Variants in SGCD observed in about 807,000 individuals in gnomAD.
The protein encoded by SGCD is sarcoglycan delta, also known as delta-sarcoglycan.
A neutral mutation model predicts 36.6 loss-of-function variants in SGCD; 18 were observed. The observed-to-expected ratio is 0.49, with a 90% CI of 0.34 to 0.73. The LOEUF (loss-of-function observed/expected upper bound fraction) is 0.73, where lower values mean the gene tolerates loss of function less well. Ranked by LOEUF, SGCD falls within the 30% of genes least tolerant of loss-of-function variation. SGCD has a pLI of 0.01. For synonymous variants in SGCD, 133 were observed against 130.6 expected (o/e 1.02, Z -0.12); for missense variants, 387 against 346.7 (o/e 1.12, Z -0.92).
chr5:156,389,129 C>T (rs1771430013), intron 3 of SGCD, among the ~76,000 whole-genome samples: 1 of 152,206 alleles, frequency 6.6e-6, no homozygotes, highest in African/African-American at 2.4e-5. Context: ...CCTCTCCAAG[C>T]CTTTCAATGA....
At chr5:156,407,655 G>A (rs1772497346) in intron 3 of SGCD, among the ~76,000 whole-genome samples, 1 of 152,154 alleles carries the variant, frequency 6.6e-6, no homozygotes, top group African/African-American at 2.4e-5. Context: ...GGTTTCATGA[G>A]GAGTGTCTTG....
At chr5:156,472,542 C>T (rs1201183133) in intron 3 of SGCD, among the ~76,000 whole-genome samples, 1 of 152,092 alleles carries the variant, frequency 6.6e-6, no homozygotes, top group Admixed American at 6.6e-5. Context: ...CTTGGACTCC[C>T]AAGTAGCTGA....
At chr5:156,730,225 T>A (rs577112249) in intron 7 of SGCD, among the ~76,000 whole-genome samples, 7 of 152,288 alleles carry the variant, frequency 4.6e-5, no homozygotes, top group Admixed American at 2.0e-4. Context: ...TCTGTGCAGT[T>A]TTTTTTAGCT....
At chr5:156,645,634 A>G (rs1334575782) in intron 6 of SGCD, among the ~76,000 whole-genome samples, 17 of 152,102 alleles carry the variant, frequency 1.1e-4, no homozygotes, top group Non-Finnish European at 1.5e-5. Flanking sequence ...TAGAACAGAA[A>G]GATTAGAGTT....
At chr5:155,937,250 G>A (rs948202709) in intron 1 of SGCD, among the ~76,000 whole-genome samples, 2 of 152,196 alleles carry the variant, frequency 1.3e-5, no homozygotes, top group Non-Finnish European at 2.9e-5. Context: ...CATAGAGCAT[G>A]CAGCCAAGCC....
At chr5:156,528,336 T>G (rs1188240931) in intron 4 of SGCD, among the ~76,000 whole-genome samples, 1 of 152,228 alleles carries the variant, frequency 6.6e-6, no homozygotes, top group African/African-American at 2.4e-5. Flanking sequence ...GTGCATTGGA[T>G]GTAGAACACT....
At chr5:156,147,948 A>G (rs1374785043) in intron 3 of SGCD, among the ~76,000 whole-genome samples, 1 of 152,226 alleles carries the variant, frequency 6.6e-6, no homozygotes, top group Non-Finnish European at 1.5e-5. Flanking sequence ...GGAAGAAATT[A>G]AGGAGAAAGT....
At chr5:155,756,882 T>A in the SGCD span, among the ~76,000 whole-genome samples, 1 of 152,208 alleles carries the variant, frequency 6.6e-6, no homozygotes, top group Admixed American at 6.5e-5. Flanking sequence ...ACTACAGCAA[T>A]GACATGAGTA....
intron 3 of SGCD, among the ~76,000 whole-genome samples, chr5:156,423,295 A>ATATAATATATTTTAT (rs1773463689): frequency 4.5e-5 from 5 of 110,448 alleles, no homozygotes; most frequent in African/African-American, 7.6e-5. Context: ...TTTTATTATA[A>ATATAATATATTTTAT]TATAATATAT....
chr5:156,145,271 A>T (rs1594649), intron 3 of SGCD, among the ~76,000 whole-genome samples: 42,087 of 152,082 alleles, frequency 0.28, 6,222 homozygotes, highest in Non-Finnish European at 0.31. Flanking sequence ...AGCCATGTGA[A>T]GTTCTGGCTC....
the SGCD span, among the ~76,000 whole-genome samples, chr5:155,774,124 T>C: frequency 2.6e-5 from 4 of 152,092 alleles, no homozygotes; most frequent in Non-Finnish European, 5.9e-5. Context: ...ACTGAGGAAA[T>C]TTTATTCGAA....
intron 1 of SGCD, among the ~76,000 whole-genome samples, chr5:155,882,291 C>T (rs1258795509): frequency 6.6e-6 from 1 of 151,934 alleles, no homozygotes; most frequent in African/African-American, 2.4e-5. Context: ...ATTGCCCAGG[C>T]TGGTCTCAAA....
At chr5:156,256,502 AT>A (rs917294984) in intron 3 of SGCD, among the ~76,000 whole-genome samples, 3 of 152,230 alleles carry the variant, frequency 2.0e-5, no homozygotes, top group East Asian at 3.9e-4. Context: ...CGCATCTATC[AT>A]TTTTTTATTG....
chr5:156,680,427 G>T lies in SGCD; in HGVS notation c.575+32891G>T, dbSNP rs1481958438. On this transcript the variant is annotated intron_variant, in intron 7 of 8. Coordinates refer to ENST00000337851, the MANE Select transcript of SGCD (RefSeq NM_000337.6). ...CCTTACCCTACCACTTATTACCAGGGACTTAACCTCTCTGAGCTTAGGTCT... is the reference window on the plus strand; with the variant it reads ...CCTTACCCTACCACTTATTACCAGGTACTTAACCTCTCTGAGCTTAGGTCT... Among the ~76,000 whole-genome samples, 5 of 152,240 alleles carry T rather than the reference G, an allele frequency of 3.3e-5. No individual in the cohort carries two copies. The East Asian group carries it at 7.7e-4, about 24-fold the overall frequency.
chr5:156,479,100 T>C (rs1755317639), intron 3 of SGCD, among the ~76,000 whole-genome samples: 1 of 152,186 alleles, frequency 6.6e-6, no homozygotes, highest in East Asian at 1.9e-4. Context: ...TTATTTATTT[T>C]TATTTTTTTC....
intron 3 of SGCD, among the ~76,000 whole-genome samples, chr5:156,266,652 T>A (rs1309710969): frequency 6.6e-6 from 1 of 152,028 alleles, no homozygotes; most frequent in Non-Finnish European, 1.5e-5. Flanking sequence ...CCAGCTATTG[T>A]TTAAATATTT....
intron 3 of SGCD, among the ~76,000 whole-genome samples, chr5:156,305,376 G>T (rs553961016): frequency 6.6e-6 from 1 of 152,200 alleles, no homozygotes; most frequent in African/African-American, 2.4e-5. Flanking sequence ...TGCTTTCAGA[G>T]GGTGCAAGTC....
At chr5:156,498,669 GT>G (rs1048304218) in intron 3 of SGCD, among the ~76,000 whole-genome samples, 1 of 152,166 alleles carries the variant, frequency 6.6e-6, no homozygotes, top group African/African-American at 2.4e-5. Flanking sequence ...CCATTCATCA[GT>G]TAATAGGCAT....
rs529489227 is a variant in SGCD, at chr5:156,203,249, C to A, written c.-44+79230C>A. Among the ~76,000 whole-genome samples the A allele has an allele frequency of 7.2e-5, 11 of 152,112 alleles. No homozygotes were observed. In the East Asian group the frequency reaches 2.1e-3, roughly 29 times the overall value. On this transcript the variant is annotated intron_variant, in intron 3 of 9. Coordinates refer to the SGCD transcript ENST00000517913. Reference sequence around the variant, plus strand: ...ATATCTGTATCCTCTTTTTGCAAATCTTTAACTATTTGGATATTAAACCTA... The same window carrying A: ...ATATCTGTATCCTCTTTTTGCAAATATTTAACTATTTGGATATTAAACCTA...
Sources: gnomAD v4.1 joint callset for allele counts (sites outside exome capture counted in the v4.1 genomes callset) on GRCh38, gnomAD v4.1.1 for gene constraint, MANE v1.5 for transcripts, NCBI Gene and HGNC (gene_info 2026-07-23, HGNC 2026-07-21) for gene names.